The following SEM1 variants were observed in gnomAD, a reference collection of about 807,000 sequenced individuals.
The protein encoded by SEM1 is 26S proteasome complex subunit SEM1.
SEM1 carries 3 observed loss-of-function variants against 12.7 expected under a neutral mutation model. The observed-to-expected ratio is 0.24, with a 90% confidence interval of 0.11 to 0.61. The LOEUF (loss-of-function observed/expected upper bound fraction) is 0.61, where lower values mean the gene tolerates loss of function less well. Ranked by LOEUF, SEM1 falls within the 20% of genes least tolerant of loss-of-function variation. The pLI is 0.88. For synonymous variants in SEM1, 30 were observed against 27.8 expected (o/e 1.08, Z -0.25); for missense variants, 59 against 81.3 (o/e 0.73, Z 1.06).
At chr7:96,522,729 C>CG (rs951566524) in intron 2 of SEM1, among the ~76,000 whole-genome samples, 7 of 125,116 alleles carry the variant, frequency 5.6e-5, no homozygotes, top group African/African-American at 1.6e-4. Context: ...AATACCCCCC[C>CG]CCCAAAAAAA....
At chr7:96,590,294 G>T (rs1028990865) in intron 2 of SEM1, among the ~76,000 whole-genome samples, 1 of 152,028 alleles carries the variant, frequency 6.6e-6, no homozygotes, top group African/African-American at 2.4e-5. Flanking sequence ...CATTGCAGGG[G>T]ACACACTTAT....
At chr7:96,675,107 TAAATAAAAAGCAAA>T (rs1789418086) in intron 2 of SEM1, among the ~76,000 whole-genome samples, 1 of 149,510 alleles carries the variant, frequency 6.7e-6, no homozygotes, top group Non-Finnish European at 1.5e-5. Context: ...CCCCCAAAAA[TAAATAAAAAGCAAA>T]AAAGGAAAAG....
chr7:96,666,002 C>G (rs1450831920), intron 2 of SEM1, among the ~76,000 whole-genome samples: 1 of 152,152 alleles, frequency 6.6e-6, no homozygotes, highest in Admixed American at 6.5e-5. Flanking sequence ...CATATGACTT[C>G]AAGTCCATGC....
intron 2 of SEM1, among the ~76,000 whole-genome samples, chr7:96,689,398 A>G (rs1234918406): frequency 6.6e-6 from 1 of 152,190 alleles, no homozygotes; most frequent in Admixed American, 6.5e-5. Context: ...GTATTACTAT[A>G]TTACTGTTGT....
At chr7:96,679,908 TTTC>T (rs1469857733) in intron 2 of SEM1, among the ~76,000 whole-genome samples, 1 of 152,124 alleles carries the variant, frequency 6.6e-6, no homozygotes, top group Admixed American at 6.6e-5. Flanking sequence ...CCTGCCCTTA[TTTC>T]TTCATCATTT....
chr7:96,598,809 G>C (rs1807088701), intron 2 of SEM1, among the ~76,000 whole-genome samples: 1 of 152,104 alleles, frequency 6.6e-6, no homozygotes, highest in African/African-American at 2.4e-5. Context: ...TGAAGTTGTT[G>C]TTTGCCTGTT....
At chr7:96,678,039 TA>T (rs1350161911) in intron 2 of SEM1, among the ~76,000 whole-genome samples, 1 of 152,190 alleles carries the variant, frequency 6.6e-6, no homozygotes, top group Non-Finnish European at 1.5e-5. Context: ...AGCTGCTCAA[TA>T]AATATTTGTT....
chr7:96,557,633 G>C (rs925805712), intron 2 of SEM1, among the ~76,000 whole-genome samples: 3 of 113,662 alleles, frequency 2.6e-5, no homozygotes, highest in African/African-American at 8.2e-5. Flanking sequence ...AGAGGTTACT[G>C]CTGTCTTTTT....
At chr7:96,661,050 A>C (rs1788986429) in intron 2 of SEM1, among the ~76,000 whole-genome samples, 1 of 152,196 alleles carries the variant, frequency 6.6e-6, no homozygotes, top group Non-Finnish European at 1.5e-5. Context: ...AATATTTCAT[A>C]TATATTAATT....
chr7:96,631,923 C>G (rs1232929561), intron 2 of SEM1, among the ~76,000 whole-genome samples: 1 of 152,184 alleles, frequency 6.6e-6, no homozygotes, highest in Non-Finnish European at 1.5e-5. Flanking sequence ...CAAAAGAAGA[C>G]ATTTATACAG....
upstream of SEM1, among the ~76,000 whole-genome samples, chr7:96,497,424 A>G (rs1178769238): frequency 6.6e-6 from 1 of 152,152 alleles, no homozygotes; most frequent in East Asian, 1.9e-4. Context: ...TCAGAAGTGG[A>G]AAAACAAGAA....
intron 1 of SEM1, among the ~76,000 whole-genome samples, chr7:96,707,477 C>A (rs1017527729): frequency 1.3e-5 from 2 of 152,168 alleles, no homozygotes; most frequent in Non-Finnish European, 2.9e-5. Flanking sequence ...AAAAATGTTT[C>A]TCACTCTAAA....
At chr7:96,588,353 AACACACACACACACACACAC>A (rs56655484) in intron 2 of SEM1, among the ~76,000 whole-genome samples, 93 of 141,042 alleles carry the variant, frequency 6.6e-4, no homozygotes, top group East Asian at 6.1e-3. Context: ...TCTAAAAACA[AACACACACACACACACACAC>A]ACACACACAC....
intron 2 of SEM1, among the ~76,000 whole-genome samples, chr7:96,533,270 C>T (rs1054692662): frequency 3.3e-5 from 5 of 152,006 alleles, no homozygotes; most frequent in Admixed American, 2.0e-4. Flanking sequence ...AAAACCCATG[C>T]TGACCTTGGC....
In SEM1 at chr7:96,606,531, G is replaced by C. The variant is rs567794605; in HGVS notation, c.170+88267C>G. Among the ~76,000 whole-genome samples the C allele has an allele frequency of 1.2e-3, 183 of 152,220 alleles. 2 individuals are homozygous for C. Among genetic ancestry groups the C allele is most frequent in the Admixed American group, 0.01 (159 of 15,282 alleles). On this transcript the variant is annotated intron_variant and NMD_transcript_variant, in intron 2 of 3. Transcript: ENST00000466986. ...GATGGGCCCACATCCATACACAACA[G>C]GCTTGAATGGAGGACATAGAATGAG...
downstream of SEM1, among the ~76,000 whole-genome samples, chr7:96,685,837 A>G (rs10278858): frequency 0.17 from 25,159 of 151,762 alleles, 2,134 homozygotes; most frequent in South Asian, 0.21. Flanking sequence ...ATCACATGCT[A>G]ATCTTCAGCT....
intron 2 of SEM1, among the ~76,000 whole-genome samples, chr7:96,590,927 C>T (rs930769419): frequency 1.3e-5 from 2 of 152,088 alleles, no homozygotes; most frequent in Non-Finnish European, 1.5e-5. Context: ...TGAAAAAGGA[C>T]CCCAAGCCAG....
chr7:96,520,161 A>G (rs1804226924), intron 2 of SEM1, among the ~76,000 whole-genome samples: 1 of 152,182 alleles, frequency 6.6e-6, no homozygotes, highest in African/African-American at 2.4e-5. Context: ...TGAAGATATG[A>G]TGACAGAGTA....
intron 1 of SEM1, among the ~76,000 whole-genome samples, chr7:96,487,835 A>G (rs1802835681): frequency 6.7e-6 from 1 of 150,136 alleles, no homozygotes; most frequent in South Asian, 2.1e-4. Context: ...ACTCTGATTC[A>G]GAAGATCTAG....
Sources: allele counts gnomAD v4.1 joint callset (sites outside exome capture counted in the v4.1 genomes callset), GRCh38; gene constraint gnomAD v4.1.1; transcripts MANE v1.5; gene names NCBI Gene and HGNC (gene_info 2026-07-23, HGNC 2026-07-21).